The following MTA3 variants were observed in gnomAD, a reference collection of about 807,000 sequenced individuals.
MTA3 encodes the protein metastasis-associated protein MTA3.
Under a neutral mutation model 83.5 loss-of-function variants are expected in MTA3, and 34 were observed. That is an observed-to-expected ratio of 0.41 (90% CI 0.31 to 0.54). The LOEUF is 0.54. MTA3 is among the 20% of genes least tolerant of loss of function. MTA3 has a pLI of 0.33. For synonymous variants in MTA3, 303 were observed against 252.7 expected (o/e 1.20, Z -1.89); for missense variants, 761 against 726.4 (o/e 1.05, Z -0.55).
chr2:42,737,107 T>C (rs1036496881), intron 16 of MTA3, among the ~76,000 whole-genome samples: 1 of 151,254 alleles, frequency 6.6e-6, no homozygotes, highest in Admixed American at 6.6e-5. Context: ...AAGTGTGGTG[T>C]AAGCATTCCC....
chr2:42,748,227 GTGTGTGTGTGTGTGTT>G (rs1405229150), intron 16 of MTA3, among the ~76,000 whole-genome samples: 1 of 151,482 alleles, frequency 6.6e-6, no homozygotes, highest in African/African-American at 2.4e-5. Context: ...GTGTGTGTGT[GTGTGTGTGTGTGTGTT>G]TTAGTAGAGA....
intron 14 of MTA3, among the ~76,000 whole-genome samples, chr2:42,715,988 G>A (rs980899628): frequency 1.3e-5 from 2 of 152,182 alleles, no homozygotes; most frequent in African/African-American, 4.8e-5. Context: ...ATATTAGCAA[G>A]AAATTATGTA....
At chr2:42,528,068 G>A (rs574686140) in intron 2 of MTA3, among the ~76,000 whole-genome samples, 139 of 152,128 alleles carry the variant, frequency 9.1e-4, no homozygotes, top group Admixed American at 3.4e-3. Flanking sequence ...GGGACTACAG[G>A]CACGTGCCAC....
intron 2 of MTA3, among the ~76,000 whole-genome samples, chr2:42,537,606 CAATGTT>C (rs1210035152): frequency 6.6e-6 from 1 of 151,790 alleles, no homozygotes; most frequent in Non-Finnish European, 1.5e-5. Flanking sequence ...AAAATAGTAT[CAATGTT>C]AAAGACAGGG....
At chr2:42,635,145 C>G (rs1198092561) in intron 4 of MTA3, among the ~76,000 whole-genome samples, 3 of 152,124 alleles carry the variant, frequency 2.0e-5, no homozygotes, top group Non-Finnish European at 4.4e-5. Flanking sequence ...CTGTGCTATT[C>G]TGTTTTATGC....
intron 4 of MTA3, among the ~76,000 whole-genome samples, chr2:42,617,257 A>G (rs1282387543): frequency 6.6e-6 from 1 of 152,194 alleles, no homozygotes; most frequent in Admixed American, 6.5e-5. Flanking sequence ...TGCAATGTGT[A>G]CATACCCTTT....
At chr2:42,569,122 C>T (rs1678163091) in intron 1 of MTA3, among the ~76,000 whole-genome samples, 1 of 151,486 alleles carries the variant, frequency 6.6e-6, no homozygotes, top group Non-Finnish European at 1.5e-5. Flanking sequence ...TCTTGCGTGG[C>T]TTCTAGGCGC....
Position 42,754,983 on chromosome 2 carries a change from A to G in MTA3, c.*1584A>G, listed in dbSNP as rs960959017. ...GCATGGGATGTCTCCACCACCACCC[A>G]CTCTTGGAGCTGTGCTGGGTCTTGG... On this transcript the variant is annotated 3_prime_UTR_variant, in exon 17 of 17. Transcript: ENST00000405094. 4 of 984,560 alleles carry G rather than the reference A, an allele frequency of 4.1e-6. No individual in the cohort carries two copies. Among genetic ancestry groups the G allele is most frequent in the Non-Finnish European group, 4.8e-6 (4 of 829,890 alleles). The allele number at this position is 984,560 out of a possible 1,614,324, so 61.0% of individuals were successfully genotyped here. A position where few individuals can be genotyped will look rare whatever the true frequency, so the allele number is the denominator to read the frequency against.
At chr2:42,738,997 C>A (rs140706305) in intron 16 of MTA3, among the ~76,000 whole-genome samples, 1 of 152,188 alleles carries the variant, frequency 6.6e-6, no homozygotes, top group South Asian at 2.1e-4. Context: ...ATTTTAATTT[C>A]GCCTGGGTCC....
intron 2 of MTA3, among the ~76,000 whole-genome samples, chr2:42,545,356 C>T (rs1256735662): frequency 1.3e-5 from 2 of 151,542 alleles, no homozygotes; most frequent in Admixed American, 6.6e-5. Context: ...CCAGCCTGAG[C>T]GACAGAGAGA....
At chr2:42,714,412 T>C (rs1666878382) in intron 14 of MTA3, among the ~76,000 whole-genome samples, 1 of 152,192 alleles carries the variant, frequency 6.6e-6, no homozygotes, top group Non-Finnish European at 1.5e-5. Context: ...TCATGAGTTT[T>C]GTGGCTTCTT....
At chr2:42,601,551 C>CA (rs1403499330) in intron 3 of MTA3, among the ~76,000 whole-genome samples, 2 of 152,188 alleles carry the variant, frequency 1.3e-5, no homozygotes, top group African/African-American at 2.4e-5. Flanking sequence ...ACACGACTAA[C>CA]TTTCTAAGTT....
At chr2:42,632,827 G>T (rs1195788573) in intron 4 of MTA3, among the ~76,000 whole-genome samples, 1 of 151,972 alleles carries the variant, frequency 6.6e-6, no homozygotes, top group African/African-American at 2.4e-5. Context: ...TTTCAGGGTG[G>T]TGTGTGTGTG....
intron 8 of MTA3, among the ~76,000 whole-genome samples, chr2:42,677,879 T>C (rs1484575642): frequency 1.3e-5 from 2 of 152,190 alleles, no homozygotes; most frequent in African/African-American, 4.8e-5. Context: ...CCTGTCTCTC[T>C]CACACACACA....
chr2:42,599,169 A>G (rs1255068762), intron 3 of MTA3, among the ~76,000 whole-genome samples: 1 of 152,178 alleles, frequency 6.6e-6, no homozygotes, highest in Non-Finnish European at 1.5e-5. Context: ...CCAGTGTTGC[A>G]TCGTGTCCAT....
chr2:42,754,716 A>C lies in MTA3; in HGVS notation c.*1317A>C. On this transcript the variant is annotated 3_prime_UTR_variant, in exon 17 of 17. Transcript: ENST00000405094. Reference sequence around the variant, plus strand: ...GGTTACTAGGAGGCAGCTGGATGGCAGATACGAGAGGCCCAAATAGCCAAG... The same window carrying C: ...GGTTACTAGGAGGCAGCTGGATGGCCGATACGAGAGGCCCAAATAGCCAAG... 1.0e-6 allele frequency: 1 copy of C among 985,516 alleles called. No individual in the cohort carries two copies. The highest frequency in any genetic ancestry group is 1.2e-6 in the Non-Finnish European group (1 of 829,968). 61.0% of individuals were successfully genotyped at this position (985,516 alleles called of 1,614,324 possible). A position where few individuals can be genotyped will look rare whatever the true frequency, so the allele number is the denominator to read the frequency against.
intron 2 of MTA3, among the ~76,000 whole-genome samples, chr2:42,576,422 C>A (rs1679035746): frequency 2.0e-5 from 3 of 152,104 alleles, no homozygotes; most frequent in South Asian, 2.1e-4. Flanking sequence ...GTGAAATTGG[C>A]TAGGTAGGGA....
At chr2:42,555,084 A>G (rs1215186469) in intron 2 of MTA3, among the ~76,000 whole-genome samples, 2 of 146,708 alleles carry the variant, frequency 1.4e-5, no homozygotes, top group Non-Finnish European at 3.0e-5. Context: ...ACCCAGGAGG[A>G]GGAGGTTGCA....
intron 14 of MTA3, among the ~76,000 whole-genome samples, chr2:42,713,294 G>T (rs1666770989): frequency 6.6e-6 from 1 of 152,106 alleles, no homozygotes. Flanking sequence ...AGTATCTCAA[G>T]ACCCCACTTG....
Sources: allele counts gnomAD v4.1 joint callset (sites outside exome capture counted in the v4.1 genomes callset), GRCh38; gene constraint gnomAD v4.1.1; transcripts MANE v1.5; gene names NCBI Gene and HGNC (gene_info 2026-07-23, HGNC 2026-07-21).